SPAG16: variants seen among roughly 807,000 people sequenced by gnomAD.
SPAG16 encodes sperm-associated antigen 16 protein.
A neutral mutation model predicts 80.4 loss-of-function variants in SPAG16; 86 were observed. The observed-to-expected ratio is 1.07, with a 90% CI of 0.90 to 1.28. The LOEUF (loss-of-function observed/expected upper bound fraction) is 1.28, where lower values mean the gene tolerates loss of function less well. SPAG16 is among the 50% of genes most tolerant of loss of function. The pLI is 0.00. For missense variants in SPAG16, 870 were observed against 765.3 expected, an observed-to-expected ratio of 1.14 and a Z score of -1.61; for synonymous variants, 294 against 265.9, an observed-to-expected ratio of 1.11 and a Z score of -1.03.
intron 15 of SPAG16, among the ~76,000 whole-genome samples, chr2:214,319,225 A>ACACACACAC (rs1189650614): frequency 9.9e-5 from 2 of 20,140 alleles, no homozygotes; most frequent in African/African-American, 1.7e-4. Context: ...CACACACACA[A>ACACACACAC]GAAGTGTAGA....
intron 9 of SPAG16, among the ~76,000 whole-genome samples, chr2:213,460,813 T>G (rs542834558): frequency 1.3e-5 from 2 of 152,300 alleles, no homozygotes; most frequent in East Asian, 3.9e-4. Context: ...ACTAAATCTT[T>G]CACACTCATT....
intron 11 of SPAG16, among the ~76,000 whole-genome samples, chr2:213,893,092 C>A (rs1042387168): frequency 9.9e-5 from 15 of 152,174 alleles, no homozygotes; most frequent in African/African-American, 3.4e-4. Flanking sequence ...AAAGGAGTTC[C>A]AGTTCACCTG....
chr2:213,891,245 G>T (rs985599972), intron 11 of SPAG16, among the ~76,000 whole-genome samples: 1 of 152,006 alleles, frequency 6.6e-6, no homozygotes, highest in African/African-American at 2.4e-5. Context: ...TTTGAATAGA[G>T]ATTTAAATGA....
intron 9 of SPAG16, among the ~76,000 whole-genome samples, chr2:213,414,933 A>G (rs1390800418): frequency 1.3e-5 from 2 of 152,246 alleles, no homozygotes; most frequent in Admixed American, 6.5e-5. Context: ...GCAGGCAAAG[A>G]GAGAATGAGG....
intron 13 of SPAG16, among the ~76,000 whole-genome samples, chr2:214,048,928 C>A (rs2049487760): frequency 6.6e-6 from 1 of 151,978 alleles, no homozygotes; most frequent in Non-Finnish European, 1.5e-5. Flanking sequence ...CCCTCCCTCC[C>A]TTCTTTCCTT....
intron 10 of SPAG16, among the ~76,000 whole-genome samples, chr2:213,600,887 G>A (rs781262524): frequency 1.9e-4 from 29 of 152,268 alleles, no homozygotes; most frequent in Middle Eastern, 3.4e-3. Flanking sequence ...TTGATAAAAG[G>A]CAAATTAGTA....
At chr2:214,183,049 A>G (rs1477463096) in intron 15 of SPAG16, among the ~76,000 whole-genome samples, 1 of 151,974 alleles carries the variant, frequency 6.6e-6, no homozygotes, top group African/African-American at 2.4e-5. Context: ...TTTTCCTAAT[A>G]CAGTAAATTA....
rs117298096 is a variant in SPAG16 at position 214,058,337 on chromosome 2, T to C, written c.1527+44260T>C. Reference sequence around the variant, plus strand: ...TTCAATGCCGTTGTCTCTCAGTGAATAGAAAGTCCCAAGGAGAGGGAAGAG... The same window carrying C: ...TTCAATGCCGTTGTCTCTCAGTGAACAGAAAGTCCCAAGGAGAGGGAAGAG... On this transcript the variant is annotated intron_variant, in intron 13 of 15. Coordinates refer to ENST00000331683, the MANE Select transcript of SPAG16 (RefSeq NM_024532.5). Among the ~76,000 whole-genome samples, 332 of 152,220 alleles carry C rather than the reference T, an allele frequency of 2.2e-3. 9 individuals carry two copies. In the East Asian group the frequency reaches 0.051, roughly 23 times the overall value.
At chr2:213,499,241 A>G (rs996377835) in intron 10 of SPAG16, among the ~76,000 whole-genome samples, 1 of 152,130 alleles carries the variant, frequency 6.6e-6, no homozygotes, top group African/African-American at 2.4e-5. Context: ...CAAGCAACCT[A>G]AAGTATGTTT....
intron 10 of SPAG16, among the ~76,000 whole-genome samples, chr2:213,518,034 G>A (rs978296475): frequency 1.3e-5 from 2 of 152,174 alleles, no homozygotes; most frequent in East Asian, 1.9e-4. Flanking sequence ...CAGAATGGGA[G>A]CAAATATTCA....
At chr2:213,350,429 C>T (rs2065263279) in intron 6 of SPAG16, 99 bp from the exon 7 acceptor site, 1 of 594,924 alleles carries the variant, frequency 1.7e-6, no homozygotes, top group Non-Finnish European at 2.8e-6. Context: ...TTTTATTTCA[C>T]AGCAAAAAAG....
At chr2:213,981,139 T>A (rs1170591837) in intron 12 of SPAG16, among the ~76,000 whole-genome samples, 1 of 151,380 alleles carries the variant, frequency 6.6e-6, no homozygotes, top group Non-Finnish European at 1.5e-5. Context: ...TCTCACTGTG[T>A]CCTCACTTGG....
intron 10 of SPAG16, among the ~76,000 whole-genome samples, chr2:213,539,989 C>T (rs2076377623): frequency 6.7e-6 from 1 of 149,070 alleles, no homozygotes; most frequent in East Asian, 2.0e-4. Context: ...TGAAATAAAT[C>T]GAGTTTCTTA....
chr2:213,596,269 T>C (rs1255407091), intron 10 of SPAG16, among the ~76,000 whole-genome samples: 1 of 152,130 alleles, frequency 6.6e-6, no homozygotes, highest in Non-Finnish European at 1.5e-5. Context: ...ATTTGAACTT[T>C]GAAAAAATAT....
chr2:213,504,825 G>C (rs1221627668), intron 10 of SPAG16, among the ~76,000 whole-genome samples: 1 of 152,208 alleles, frequency 6.6e-6, no homozygotes, highest in African/African-American at 2.4e-5. Flanking sequence ...TGTCCCTGTG[G>C]AGATGTGCAA....
chr2:214,371,117 T>C (rs1465410988), intron 15 of SPAG16, among the ~76,000 whole-genome samples: 1 of 152,150 alleles, frequency 6.6e-6, no homozygotes. Context: ...TCACATCTGA[T>C]TGGAGGTCTC....
intron 9 of SPAG16, among the ~76,000 whole-genome samples, chr2:213,381,859 G>A (rs967882248): frequency 6.6e-6 from 1 of 152,118 alleles, no homozygotes; most frequent in Non-Finnish European, 1.5e-5. Context: ...AGATGTATCC[G>A]CTGTACCATT....
intron 10 of SPAG16, among the ~76,000 whole-genome samples, chr2:213,709,513 G>A (rs1407950668): frequency 6.6e-6 from 1 of 152,106 alleles, no homozygotes; most frequent in Non-Finnish European, 1.5e-5. Context: ...ATGATTAAAA[G>A]AGCTTTAATT....
rs567486536 is a variant in SPAG16 at position 213,558,481 on chromosome 2, T to G, written c.1070+68391T>G. On this transcript the variant is annotated intron_variant, in intron 10 of 15. Coordinates refer to ENST00000331683, the MANE Select transcript of SPAG16 (RefSeq NM_024532.5). ...TATTTATTACATGAGAATTTTTTTT[T>G]TGTGTTAGTCATGTACAGGGACTGT... 2.7e-3 allele frequency among the ~76,000 whole-genome samples: 408 copies of G among 151,996 alleles called. 4 individuals are homozygous for G. Among genetic ancestry groups the G allele is most frequent in the African/African-American group, 8.0e-3 (334 of 41,508 alleles).
Sources: gnomAD v4.1 joint callset for allele counts (sites outside exome capture counted in the v4.1 genomes callset) on GRCh38, gnomAD v4.1.1 for gene constraint, MANE v1.5 for transcripts, NCBI Gene and HGNC (gene_info 2026-07-23, HGNC 2026-07-21) for gene names.